The following EXOC3L2 variants were observed in gnomAD, a reference collection of about 807,000 sequenced individuals.
EXOC3L2 encodes exocyst complex component 3-like protein 2.
In EXOC3L2, 17 loss-of-function variants were observed where a neutral mutation model predicts 44.4. That is an observed-to-expected ratio of 0.38 (90% CI 0.26 to 0.57). EXOC3L2 has a LOEUF of 0.57. Among genes scored for constraint, EXOC3L2 ranks in the 20% least tolerant of loss-of-function variants. EXOC3L2 has a pLI of 0.65. For synonymous variants in EXOC3L2, 256 were observed against 253.7 expected (o/e 1.01, Z -0.09); for missense variants, 541 against 588.4 (o/e 0.92, Z 0.83).
At chr19:45,214,470 G>A (rs1969812910) in intron 11 of EXOC3L2, among the ~76,000 whole-genome samples, 2 of 151,954 alleles carry the variant, frequency 1.3e-5, no homozygotes. Context: ...TTGTTTGTTT[G>A]TTTGTTTGTT....
chr19:45,226,274 C>A (rs537925517), intron 7 of EXOC3L2, among the ~76,000 whole-genome samples: 1 of 152,054 alleles, frequency 6.6e-6, no homozygotes, highest in African/African-American at 2.4e-5. Flanking sequence ...GTTCTCCATT[C>A]GGCAATGGAA....
At chr19:45,231,569 G>C (rs987732110) in intron 4 of EXOC3L2, among the ~76,000 whole-genome samples, 194 bp downstream of exon 4, 1 of 151,998 alleles carries the variant, frequency 6.6e-6, no homozygotes, top group African/African-American at 2.4e-5. Context: ...GAAGTGTCCA[G>C]ATATACTGAA....
intron 8 of EXOC3L2, among the ~76,000 whole-genome samples, chr19:45,223,185 C>T (rs930951385): frequency 6.6e-6 from 1 of 151,942 alleles, no homozygotes; most frequent in Non-Finnish European, 1.5e-5. Flanking sequence ...GTCAAGAGAT[C>T]GAGACCATCC....
chr19:45,239,006 C>A lies in EXOC3L2; in HGVS notation c.40G>T (p.Val14Leu). ...LKNLGVSDPKVPRAGTLPLRS... is the reference protein window; with the variant it reads ...LKNLGVSDPKLPRAGTLPLRS... The stretch of plus-strand genomic sequence containing the variant: ...AGGGGCAGGGTCCCCGCCCGGGGCA[C>A]CTTAGGGTCTGACACTCCCAGATTC... Residue 14 changes from valine to leucine, a missense_variant, in exon 2 of 12, where the codon GTG becomes TTG. Physicochemically the swap from Val to Leu is conservative, Grantham distance 32. Coordinates refer to ENST00000413988, the MANE Select transcript of EXOC3L2 (RefSeq NM_001382422.1). 2.5e-6 allele frequency: 1 copy of A among 399,058 alleles called. No individual in the cohort carries two copies. The highest frequency in any genetic ancestry group is 1.3e-4 in the South Asian group (1 of 7,860). The allele number at this position is 399,058 out of a possible 1,614,324, so 24.7% of individuals were successfully genotyped here.
chr19:45,229,471 T>C (rs965334328), intron 4 of EXOC3L2, among the ~76,000 whole-genome samples: 2 of 147,380 alleles, frequency 1.4e-5, no homozygotes, highest in East Asian at 3.9e-4. Context: ...CTATAGCACA[T>C]GAAATATGTA....
chr19:45,221,727 A>T (rs1381822766), intron 8 of EXOC3L2, among the ~76,000 whole-genome samples: 1 of 146,262 alleles, frequency 6.8e-6, no homozygotes, highest in Non-Finnish European at 1.5e-5. Context: ...AGCTCACTAC[A>T]TCCTCAACTT....
At chr19:45,243,017 AGACTT>A (rs1288996772) in intron 1 of EXOC3L2, among the ~76,000 whole-genome samples, 6 of 152,162 alleles carry the variant, frequency 3.9e-5, no homozygotes, top group African/African-American at 1.4e-4. Flanking sequence ...CATGCTCCAT[AGACTT>A]GTATCCAGAA....
chr19:45,241,410 G>A (rs921245686), intron 1 of EXOC3L2, among the ~76,000 whole-genome samples: 1 of 151,344 alleles, frequency 6.6e-6, no homozygotes, highest in African/African-American at 2.4e-5. Context: ...CGCGGAAGGC[G>A]GAGATTGCAG....
chr19:45,236,842 C>T (rs1970088382), intron 2 of EXOC3L2, among the ~76,000 whole-genome samples: 1 of 150,990 alleles, frequency 6.6e-6, no homozygotes, highest in Admixed American at 6.6e-5. Context: ...ACAAAAAATA[C>T]AAAAAAAATT....
chr19:45,238,075 A>T lies in EXOC3L2; in HGVS notation c.523+448T>A, dbSNP rs11669910. 0.22 allele frequency among the ~76,000 whole-genome samples: 33,871 copies of T among 151,882 alleles called. 4,079 individuals are homozygous for T. The highest frequency in any genetic ancestry group is 0.29 in the South Asian group (1,395 of 4,814). On this transcript the variant is annotated intron_variant, in intron 2 of 11. Transcript: ENST00000413988. This position sits in a 1 kb window ranked among gnomAD's most constrained non-coding sequence, Gnocchi z 5.5. Reference sequence around the variant, plus strand: ...ATTGTTTGAACCCCAGAGGCAGAGGATGCAGTGAGCCAAGATTGCACCACT... The same window carrying T: ...ATTGTTTGAACCCCAGAGGCAGAGGTTGCAGTGAGCCAAGATTGCACCACT...
Position 45,228,077 on chromosome 19 carries a change from G to A in EXOC3L2, c.1372-3C>T, listed in dbSNP as rs1969986158. ...CGCTCTGTGTGCTCTTCCAGCAGCTGTGAGGTCCAGGGCGACAAGAAGAGG... is the reference window on the plus strand; with the variant it reads ...CGCTCTGTGTGCTCTTCCAGCAGCTATGAGGTCCAGGGCGACAAGAAGAGG... On this transcript the variant is annotated splice_region_variant and splice_polypyrimidine_tract_variant and intron_variant, in intron 5 of 11. Transcript: ENST00000413988. 1.9e-6 allele frequency: 3 copies of A among 1,613,996 alleles called. No homozygotes were observed. The highest frequency in any genetic ancestry group is 2.5e-6 in the Non-Finnish European group (3 of 1,180,032).
Position 45,212,889 on chromosome 19 carries a change from C to T in EXOC3L2, c.*180G>A, listed in dbSNP as rs555630174. The T allele has an allele frequency of 2.8e-4, 177 of 638,134 alleles. 3 individuals carry two copies. The South Asian group carries it at 3.2e-3, about 11-fold the overall frequency. 39.5% of individuals were successfully genotyped at this position (638,134 alleles called of 1,614,324 possible). ...TGTTGGGATTACAGGCATGAGCCAC[C>T]GTGCCTGGCGTTTGTTTCCCTTCTG... On this transcript the variant is annotated 3_prime_UTR_variant, in exon 12 of 12. Coordinates refer to ENST00000413988, the MANE Select transcript of EXOC3L2 (RefSeq NM_001382422.1).
rs767571668 is a variant in EXOC3L2, at chr19:45,238,698, G to A, written c.348C>T (p.His116=). The A allele has an allele frequency of 2.0e-5, 8 of 398,936 alleles. No homozygotes were observed. Among genetic ancestry groups the A allele is most frequent in the Admixed American group, 4.4e-5 (1 of 22,708 alleles). 24.7% of individuals were successfully genotyped at this position (398,936 alleles called of 1,614,324 possible). The change falls in exon 2 of 12, where the codon CAC becomes CAT. Residue 116 remains histidine (H), a synonymous_variant. Coordinates refer to ENST00000413988, the MANE Select transcript of EXOC3L2 (RefSeq NM_001382422.1). This position sits in a 1 kb window ranked among gnomAD's most constrained non-coding sequence, Gnocchi z 5.5. ...CCTCCCCCGCTGCCTCCTCGTCGCC[G>A]TGGGCTCGGGTCCCATGCAGCCGGG... ...LLARLHGTRA[H]GDEEAAGEAA... is the part of the protein sequence containing the mutation.
Position 45,234,590 on chromosome 19 carries a change from A to G in EXOC3L2, c.760T>C (p.Cys254Arg). 3.6e-6 allele frequency: 1 copy of G among 280,336 alleles called. No homozygotes were observed. Among genetic ancestry groups the G allele is most frequent in the Non-Finnish European group, 6.7e-6 (1 of 149,640 alleles). 17.4% of individuals were successfully genotyped at this position (280,336 alleles called of 1,614,324 possible). ...TGCGCCACCGCGCCAGCCCCGGCGC[A>G]CGCTCCCGGCCCGGGGCCCGCCAGC... ...ETLAGPGPGA[C>R]AGAGAVAQLG... Residue 254 changes from cysteine (C) to arginine (R), a missense_variant, in exon 3 of 12, where the codon TGC becomes CGC. Cys to Arg is a radical substitution (Grantham distance 180). Coordinates refer to ENST00000413988, the MANE Select transcript of EXOC3L2 (RefSeq NM_001382422.1). This position sits in a 1 kb window ranked among gnomAD's most constrained non-coding sequence, Gnocchi z 5.0.
At chr19:45,244,355 T>G (rs1443721388) in intron 1 of EXOC3L2, among the ~76,000 whole-genome samples, 1 of 152,052 alleles carries the variant, frequency 6.6e-6, no homozygotes, top group Non-Finnish European at 1.5e-5. Flanking sequence ...CCAATTGAAG[T>G]CAACCTTGCC....
chr19:45,218,891 A>T (rs1969867412), intron 8 of EXOC3L2, among the ~76,000 whole-genome samples: 1 of 152,082 alleles, frequency 6.6e-6, no homozygotes, highest in Admixed American at 6.6e-5. Flanking sequence ...TGAGCCCAAG[A>T]GTTTGAGACC....
intron 11 of EXOC3L2, 97 bp downstream of exon 11, chr19:45,215,976 C>T: frequency 1.3e-6 from 2 of 1,529,464 alleles, no homozygotes. Context: ...TCACCGGCTC[C>T]CTCCCTCAGG....
chr19:45,236,397 C>T (rs565672449), intron 2 of EXOC3L2, among the ~76,000 whole-genome samples: 9 of 133,166 alleles, frequency 6.8e-5, no homozygotes, highest in Non-Finnish European at 9.2e-5. Context: ...ACCCAGGCGG[C>T]GAAGGCTGCA....
intron 8 of EXOC3L2, among the ~76,000 whole-genome samples, chr19:45,222,201 C>CTTTTT (rs60929770): frequency 7.3e-6 from 1 of 137,206 alleles, no homozygotes; most frequent in African/African-American, 2.7e-5. Context: ...TTTTTCTCTC[C>CTTTTT]TTTTTTTTTT....
Sources: gnomAD v4.1 joint callset for allele counts (sites outside exome capture counted in the v4.1 genomes callset) on GRCh38, gnomAD v4.1.1 for gene constraint, Gnocchi (gnomAD v3.1) non-coding constraint, MANE v1.5 for transcripts, NCBI Gene and HGNC (gene_info 2026-07-23, HGNC 2026-07-21) for gene names.